LMNTD1: variants seen among roughly 807,000 people sequenced by gnomAD.
LMNTD1 encodes lamin tail domain-containing protein 1.
In LMNTD1, 35 loss-of-function variants were observed where a neutral mutation model predicts 50.9. The ratio of observed to expected loss-of-function variants is 0.69; its 90% confidence interval spans 0.53 to 0.91. The LOEUF (loss-of-function observed/expected upper bound fraction) is 0.91. LMNTD1 is among the 40% of genes least tolerant of loss of function. The pLI is 0.00. For synonymous variants in LMNTD1, 153 were observed against 161.9 expected, an observed-to-expected ratio of 0.94 and a Z score of 0.42; for missense variants, 470 against 475.5, an observed-to-expected ratio of 0.99 and a Z score of 0.11.
chr12:25,506,198 G>C (rs371310183), intron 8 of LMNTD1, among the ~76,000 whole-genome samples: 1 of 152,180 alleles, frequency 6.6e-6, no homozygotes, highest in Non-Finnish European at 1.5e-5. Flanking sequence ...TCATTCCTGC[G>C]TAAGGTTATC....
chr12:25,593,605 A>T (rs538503555), intron 1 of LMNTD1, among the ~76,000 whole-genome samples: 1 of 152,254 alleles, frequency 6.6e-6, no homozygotes, highest in South Asian at 2.1e-4. Context: ...CCCAAATGAG[A>T]AGGAACCAGA....
intron 3 of LMNTD1, among the ~76,000 whole-genome samples, chr12:25,546,852 A>T (rs1943465142): frequency 6.6e-6 from 1 of 151,592 alleles, no homozygotes; most frequent in Non-Finnish European, 1.5e-5. Flanking sequence ...TTGTACTAGA[A>T]GCATCATCCA....
At chr12:25,536,534 T>G (rs879735599) in intron 4 of LMNTD1, among the ~76,000 whole-genome samples, 1 of 152,158 alleles carries the variant, frequency 6.6e-6, no homozygotes, top group Non-Finnish European at 1.5e-5. Context: ...TATTTTGAAC[T>G]GAATGAAAAT....
intron 9 of LMNTD1, among the ~76,000 whole-genome samples, chr12:25,488,791 G>A (rs1242197696): frequency 6.6e-6 from 1 of 152,192 alleles, no homozygotes; most frequent in Non-Finnish European, 1.5e-5. Context: ...TGATGATGGT[G>A]ATGTACAGAT....
intron 1 of LMNTD1, among the ~76,000 whole-genome samples, chr12:25,632,978 G>A (rs1057088331): frequency 2.0e-5 from 3 of 151,484 alleles, no homozygotes; most frequent in African/African-American, 7.3e-5. Context: ...GTGGAAAAAG[G>A]CATTTCACGC....
At chr12:25,585,165 A>G (rs1565503073) in intron 1 of LMNTD1, among the ~76,000 whole-genome samples, 1 of 152,204 alleles carries the variant, frequency 6.6e-6, no homozygotes, top group East Asian at 1.9e-4. Flanking sequence ...TGTGTCTGTA[A>G]GACATTCAGG....
chr12:25,567,939 G>A (rs1306097068), intron 1 of LMNTD1, among the ~76,000 whole-genome samples: 9 of 152,076 alleles, frequency 5.9e-5, no homozygotes. Flanking sequence ...TTTCTATAAA[G>A]ATACCTGAAA....
chr12:25,595,016 C>A (rs1301430157), intron 1 of LMNTD1, among the ~76,000 whole-genome samples: 1 of 151,940 alleles, frequency 6.6e-6, no homozygotes, highest in Non-Finnish European at 1.5e-5. Flanking sequence ...AAGGCCTTGT[C>A]CAACAGGAAA....
At chr12:25,530,847 G>C (rs1347227993) in intron 4 of LMNTD1, among the ~76,000 whole-genome samples, 4 of 152,174 alleles carry the variant, frequency 2.6e-5, no homozygotes, top group African/African-American at 9.7e-5. Context: ...CTAAAGTTAT[G>C]AATGTTAAGA....
chr12:25,546,797 A>G (rs1399679689), intron 3 of LMNTD1, among the ~76,000 whole-genome samples: 1 of 151,758 alleles, frequency 6.6e-6, no homozygotes, highest in Non-Finnish European at 1.5e-5. Flanking sequence ...ATCTTAAACA[A>G]TAAATTATAT....
At chr12:25,556,831 C>T (rs1033329356), upstream of LMNTD1, among the ~76,000 whole-genome samples, 2 of 152,148 alleles carry the variant, frequency 1.3e-5, no homozygotes, top group Non-Finnish European at 2.9e-5. Flanking sequence ...TTGAAGAACA[C>T]AAAGAACTGG....
chr12:25,513,479 T>A lies in LMNTD1; in HGVS notation c.1189+5316A>T, dbSNP rs1477397733. On this transcript the variant is annotated intron_variant, in intron 8 of 9. Coordinates refer to ENST00000458174, the MANE Select transcript of LMNTD1 (RefSeq NM_001145728.2). ...GGCAAAGCCCTGTCTGTACTAAAAA[T>A]ACAAAAATTAGCTGGGTGTGGTGGC... is the stretch of plus-strand genomic sequence containing the variant. Among the ~76,000 whole-genome samples the A allele has an allele frequency of 2.0e-5, 3 of 152,072 alleles. No homozygotes were observed. The East Asian group carries it at 5.8e-4, about 29-fold the overall frequency.
intron 9 of LMNTD1, among the ~76,000 whole-genome samples, chr12:25,500,458 C>G (rs1463068446): frequency 6.6e-6 from 1 of 152,142 alleles, no homozygotes; most frequent in African/African-American, 2.4e-5. Flanking sequence ...GTGAACATAG[C>G]TCAGTTCATG....
At chr12:25,532,404 A>G (rs1942286197) in intron 4 of LMNTD1, among the ~76,000 whole-genome samples, 1 of 151,804 alleles carries the variant, frequency 6.6e-6, no homozygotes, top group African/African-American at 2.4e-5. Flanking sequence ...GTGACCCTCC[A>G]TTTTTTTTAT....
chr12:25,591,022 T>C (rs1477603074), intron 1 of LMNTD1, among the ~76,000 whole-genome samples: 1 of 152,140 alleles, frequency 6.6e-6, no homozygotes, highest in Non-Finnish European at 1.5e-5. Flanking sequence ...GTGAGACTCC[T>C]TTACTTGAGA....
chr12:25,579,985 A>T (rs954896890), intron 1 of LMNTD1, among the ~76,000 whole-genome samples: 1 of 152,110 alleles, frequency 6.6e-6, no homozygotes, highest in South Asian at 2.1e-4. Flanking sequence ...AAAACTTATT[A>T]GATTTGCTAA....
chr12:25,499,513 A>G (rs1939258964), intron 9 of LMNTD1, among the ~76,000 whole-genome samples: 1 of 152,030 alleles, frequency 6.6e-6, no homozygotes. Flanking sequence ...CAGCTTAGCT[A>G]TTATATTTCA....
intron 1 of LMNTD1, among the ~76,000 whole-genome samples, chr12:25,565,329 A>AT (rs1265680983): frequency 1.3e-5 from 2 of 150,944 alleles, no homozygotes; most frequent in Non-Finnish European, 1.5e-5. Context: ...CTTGCTTTTT[A>AT]TTTTTTGTGT....
In LMNTD1 at chr12:25,497,797, G is replaced by GA. The variant is rs5797135; in HGVS notation, c.*22+5940dup. ...TGGGCAACAGAGTGAGACTCCATCT[G>GA]AAAAAAAAAAAATGCATATGTTTGA... On this transcript the variant is annotated intron_variant, in intron 9 of 9. Coordinates refer to ENST00000458174, the MANE Select transcript of LMNTD1 (RefSeq NM_001145728.2). 239 of 144,458 alleles carry GA rather than the reference G, an allele frequency of 1.7e-3. 1 individual carries two copies. Among genetic ancestry groups the GA allele is most frequent in the African/African-American group, 3.4e-3 (136 of 39,466 alleles). 8.9% of individuals were successfully genotyped at this position (144,458 alleles called of 1,614,324 possible).
Sources: allele counts gnomAD v4.1 joint callset (sites outside exome capture counted in the v4.1 genomes callset), GRCh38; gene constraint gnomAD v4.1.1; transcripts MANE v1.5; gene names NCBI Gene and HGNC (gene_info 2026-07-23, HGNC 2026-07-21).